KIF9: variants seen among roughly 807,000 people sequenced by gnomAD.
The protein encoded by KIF9 is kinesin-like protein KIF9.
KIF9 carries 68 observed loss-of-function variants against 94.8 expected under a neutral mutation model. The ratio of observed to expected loss-of-function variants is 0.72; its 90% CI spans 0.59 to 0.88. The LOEUF is 0.88. Ranked by LOEUF, KIF9 falls within the 40% of genes least tolerant of loss-of-function variation. The pLI is 0.00. For synonymous variants in KIF9, 343 were observed against 362.1 expected (o/e 0.95, Z 0.60); for missense variants, 882 against 982.5 (o/e 0.90, Z 1.37).
At chr3:47,258,481 T>C (rs1700757854) in intron 9 of KIF9, among the ~76,000 whole-genome samples, 1 of 152,190 alleles carries the variant, frequency 6.6e-6, no homozygotes, top group Non-Finnish European at 1.5e-5. Flanking sequence ...TCTGACATGG[T>C]TTGGATCTCT....
At chr3:47,276,427 G>A (rs1416636454) in intron 2 of KIF9, among the ~76,000 whole-genome samples, 2 of 151,886 alleles carry the variant, frequency 1.3e-5, no homozygotes, top group African/African-American at 2.4e-5. Context: ...ATGGTGGCAC[G>A]TGCCTGTAAT....
intron 9 of KIF9, among the ~76,000 whole-genome samples, chr3:47,258,879 T>C (rs1448313869): frequency 6.6e-6 from 1 of 152,208 alleles, no homozygotes; most frequent in Non-Finnish European, 1.5e-5. Flanking sequence ...GCTGGGTCTT[T>C]GAAATCTGGT....
In KIF9 at chr3:47,236,612, G is replaced by A. The variant is rs199771349; in HGVS notation, c.1932C>T (p.Tyr644=). The A allele has an allele frequency of 6.8e-6, 11 of 1,613,502 alleles. No individual in the cohort carries two copies. The highest frequency in any genetic ancestry group is 3.3e-5 in the South Asian group (3 of 91,026). ...QKSLREKQGK[Y]ENKGLMIIDE... is the part of the protein sequence containing the mutation. ...CGATGATCATCAGCCCCTTGTTTTCGTACTTGCCTGCAAGGTGATGGAAGA... is the reference window on the plus strand; with the variant it reads ...CGATGATCATCAGCCCCTTGTTTTCATACTTGCCTGCAAGGTGATGGAAGA... Residue 644 remains tyrosine, a synonymous_variant, in exon 18 of 21, where the codon TAC becomes TAT. Transcript: ENST00000684063.
intron 5 of KIF9, among the ~76,000 whole-genome samples, chr3:47,270,652 T>C (rs372440724): frequency 1.3e-5 from 2 of 152,170 alleles, no homozygotes; most frequent in African/African-American, 4.8e-5. Context: ...GAAAAAAGAC[T>C]GGAAGGAAAT....
chr3:47,241,890 T>A (rs199848493), intron 16 of KIF9, among the ~76,000 whole-genome samples: 1,135 of 73,126 alleles, frequency 0.016, 12 homozygotes, highest in South Asian at 0.068. Flanking sequence ...ATATATTTTT[T>A]TTTTTTTTTC....
chr3:47,255,962 G>T (rs994391976), intron 10 of KIF9, among the ~76,000 whole-genome samples: 1 of 152,218 alleles, frequency 6.6e-6, no homozygotes, highest in Non-Finnish European at 1.5e-5. Context: ...GGGTTTCGCT[G>T]TGTTGGCCGG....
intron 20 of KIF9, among the ~76,000 whole-genome samples, chr3:47,233,400 A>C (rs1345994443): frequency 1.3e-5 from 2 of 149,822 alleles, no homozygotes; most frequent in Non-Finnish European, 3.0e-5. Context: ...CCTAAAAATT[A>C]ATAAGAAAAA....
chr3:47,244,616 T>C, intron 15 of KIF9, 175 bp downstream of exon 15: 1 of 760,206 alleles, frequency 1.3e-6, no homozygotes, highest in South Asian at 1.7e-5. Flanking sequence ...CTTGTGCGGT[T>C]CCAAACCAGC....
intron 1 of KIF9, among the ~76,000 whole-genome samples, chr3:47,280,677 G>C (rs907703830): frequency 4.6e-5 from 7 of 152,196 alleles, no homozygotes; most frequent in Admixed American, 4.6e-4. Flanking sequence ...GCGTGAGACT[G>C]TCTCAACAAA....
chr3:47,265,603 T>C, intron 8 of KIF9, 127 bp downstream of exon 8: 1 of 930,660 alleles, frequency 1.1e-6, no homozygotes, highest in Non-Finnish European at 1.6e-6. Flanking sequence ...TCACTGTGAA[T>C]GTGCTGCAGG....
In KIF9 at chr3:47,275,455, T is replaced by C. The variant is rs547574008; in HGVS notation, c.129A>G (p.Arg43=). The change falls in exon 3 of 21, where the codon AGA becomes AGG. Residue 43 remains arginine, a synonymous_variant. Transcript: ENST00000684063. ...CTGTCTGTTGGTTATTGACAACTCC[T>C]CTCCGAATGTCTTTTTTTAAGTGAA... ...IDIHLKKDIR[R]GVVNNQQTDW... The C allele has an allele frequency of 1.8e-5, 29 of 1,610,334 alleles. No individual in the cohort carries two copies. The East Asian group carries it at 6.0e-4, about 33-fold the overall frequency.
intron 16 of KIF9, among the ~76,000 whole-genome samples, chr3:47,242,257 C>A (rs2107180314): frequency 6.6e-6 from 1 of 152,184 alleles, no homozygotes; most frequent in Non-Finnish European, 1.5e-5. Flanking sequence ...AAAAGCATTT[C>A]ATGTTATTAA....
Position 47,265,831 on chromosome 3 carries a change from A to G in KIF9, c.815T>C (p.Leu272Pro), listed in dbSNP as rs768623182. 6.2e-7 allele frequency: 1 copy of G among 1,613,990 alleles called. No homozygotes were observed. Among genetic ancestry groups the G allele is most frequent in the Non-Finnish European group, 8.5e-7 (1 of 1,180,022 alleles). Residue 272 changes from leucine (L) to proline (P), a missense_variant, in exon 8 of 21, where the codon CTC becomes CCC. By Grantham distance (98) the Leu-to-Pro change is moderately conservative. Transcript: ENST00000684063. ...AATGATGGCCTGCTCCAGGAATGAG[A>G]GCGATTTGTTGATGTAGGTGGCTTC... ...LKEATYINKS[L>P]SFLEQAIIAL...
At position 47,267,017 on chromosome 3, in the gene KIF9, A is replaced by G; in HGVS notation, c.727T>C (p.Leu243=). 5.0e-6 allele frequency: 8 copies of G among 1,613,816 alleles called. No individual in the cohort carries two copies. Among genetic ancestry groups the G allele is most frequent in the Non-Finnish European group, 6.8e-6 (8 of 1,179,990 alleles). Residue 243 remains leucine (L), a synonymous_variant, in exon 7 of 21, where the codon TTG becomes CTG. Coordinates refer to ENST00000684063, the MANE Select transcript of KIF9 (RefSeq NM_182902.4). ...CTCTCTGAGCCTGCCAGATCCACCA[A>G]GTTAATTTTGGAAGTGATGTACTTT... The part of the protein sequence containing the change: ...EEKYITSKIN[L]VDLAGSERLG...
At chr3:47,228,770 G>A in intron 20 of KIF9, 68 bp from the exon 21 acceptor site, 1 of 1,260,026 alleles carries the variant, frequency 7.9e-7, no homozygotes, top group East Asian at 2.3e-5. Flanking sequence ...ACTCAGACCA[G>A]GCCACTCACA....
In KIF9 at chr3:47,228,257, T is replaced by A. The variant is rs1159710616; in HGVS notation, c.*395A>T. The A allele has an allele frequency of 1.2e-5, 2 of 170,456 alleles. No homozygotes were observed. Among genetic ancestry groups the A allele is most frequent in the African/African-American group, 4.8e-5 (2 of 41,904 alleles). The allele number at this position is 170,456 out of a possible 1,614,324, so 10.6% of individuals were successfully genotyped here. On this transcript the variant is annotated 3_prime_UTR_variant, in exon 21 of 21. Transcript: ENST00000684063. ...TCTATCCAGGAAAGGGGCTGACCAG[T>A]GTGACAAAGGCCTGCCAGGAGGAGC...
At chr3:47,262,300 A>C (rs2107405392) in intron 9 of KIF9, among the ~76,000 whole-genome samples, 1 of 147,848 alleles carries the variant, frequency 6.8e-6, no homozygotes, top group East Asian at 2.0e-4. Context: ...TTCTTTTGAG[A>C]TGGAGTCTTG....
intron 10 of KIF9, among the ~76,000 whole-genome samples, chr3:47,249,879 T>C (rs576613354): frequency 4.3e-4 from 66 of 152,126 alleles, no homozygotes; most frequent in Middle Eastern, 3.2e-3. Context: ...TGAAACCTTG[T>C]CTCTACAAAA....
intron 9 of KIF9, among the ~76,000 whole-genome samples, chr3:47,263,252 C>T (rs763431802): frequency 2.6e-5 from 4 of 152,162 alleles, no homozygotes; most frequent in Admixed American, 6.5e-5. Flanking sequence ...GGGAAAGCCC[C>T]AAGCTGGAGG....
Sources: allele counts gnomAD v4.1 joint callset (sites outside exome capture counted in the v4.1 genomes callset), GRCh38; gene constraint gnomAD v4.1.1; transcripts MANE v1.5; gene names NCBI Gene and HGNC (gene_info 2026-07-23, HGNC 2026-07-21).